Variants in SPOCK1 observed in about 807,000 individuals in gnomAD.
The protein encoded by SPOCK1 is testican-1.
SPOCK1 carries 23 observed loss-of-function variants against 55.3 expected under a neutral mutation model. The ratio of observed to expected loss-of-function variants is 0.42; its 90% CI spans 0.30 to 0.59. SPOCK1 has a LOEUF of 0.59. Ranked by LOEUF, SPOCK1 falls within the 20% of genes least tolerant of loss-of-function variation. The pLI is 0.22. For missense variants in SPOCK1, 499 were observed against 552.5 expected, an observed-to-expected ratio of 0.90 and a Z score of 0.97; for synonymous variants, 226 against 221.0, an observed-to-expected ratio of 1.02 and a Z score of -0.20.
At chr5:137,483,441 T>C (rs1368110125) in intron 2 of SPOCK1, among the ~76,000 whole-genome samples, 1 of 152,188 alleles carries the variant, frequency 6.6e-6, no homozygotes. Flanking sequence ...TGCCCTAGAA[T>C]GTAAGCTCCA....
chr5:137,275,502 G>A (rs1757049380), intron 2 of SPOCK1, among the ~76,000 whole-genome samples: 1 of 152,212 alleles, frequency 6.6e-6, no homozygotes, highest in Non-Finnish European at 1.5e-5. Context: ...GGCAGGAGGT[G>A]CTGATTCAGT....
intron 4 of SPOCK1, among the ~76,000 whole-genome samples, chr5:137,119,695 G>A (rs545945619): frequency 5.4e-4 from 82 of 152,318 alleles, no homozygotes; most frequent in Non-Finnish European, 1.0e-3. Context: ...TACTGGGCAC[G>A]CAATGGTGCA....
At chr5:137,067,668 AC>A (rs756928583) in intron 6 of SPOCK1, 46 bp downstream of exon 6, 1 of 1,525,702 alleles carries the variant, frequency 6.6e-7, no homozygotes, top group Non-Finnish European at 9.1e-7. Context: ...ACCCTCTGTG[AC>A]CCCCCATTCC....
chr5:136,980,813 A>ATATGCTCTAGAGATTTTT, intron 9 of SPOCK1, among the ~76,000 whole-genome samples: 1 of 152,294 alleles, frequency 6.6e-6, no homozygotes, highest in South Asian at 2.1e-4. Context: ...AATGATTCAG[A>ATATGCTCTAGAGATTTTT]TATGCTCTAG....
At chr5:137,452,281 GC>G (rs1400017585) in intron 2 of SPOCK1, among the ~76,000 whole-genome samples, 2 of 152,162 alleles carry the variant, frequency 1.3e-5, no homozygotes, top group African/African-American at 2.4e-5. Flanking sequence ...GATTAGATGA[GC>G]TTTTTTGCCA....
At chr5:137,398,953 A>G (rs529941033) in intron 2 of SPOCK1, among the ~76,000 whole-genome samples, 41 of 152,294 alleles carry the variant, frequency 2.7e-4, no homozygotes, top group African/African-American at 9.9e-4. Flanking sequence ...ACTGCAAGCA[A>G]CTAGGGAGAA....
chr5:137,243,614 T>C (rs1324827848), intron 3 of SPOCK1, among the ~76,000 whole-genome samples: 1 of 152,218 alleles, frequency 6.6e-6, no homozygotes, highest in Non-Finnish European at 1.5e-5. Context: ...ACGTAAGAAA[T>C]GATTCTGTCC....
At chr5:137,108,621 A>T (rs1753409932) in intron 5 of SPOCK1, among the ~76,000 whole-genome samples, 1 of 152,198 alleles carries the variant, frequency 6.6e-6, no homozygotes, top group East Asian at 1.9e-4. Flanking sequence ...TGGGAGAAGA[A>T]TATTACAACC....
At chr5:137,080,255 A>G (rs1430857236) in intron 5 of SPOCK1, among the ~76,000 whole-genome samples, 2 of 152,194 alleles carry the variant, frequency 1.3e-5, no homozygotes, top group African/African-American at 4.8e-5. Context: ...AGCCAGCTCT[A>G]ACCTTGCGAA....
intron 6 of SPOCK1, among the ~76,000 whole-genome samples, chr5:137,024,657 A>T (rs1338487965): frequency 6.6e-6 from 1 of 151,998 alleles, no homozygotes; most frequent in Non-Finnish European, 1.5e-5. Flanking sequence ...AGGGGAAAAT[A>T]AAAAAAATTG....
At chr5:137,032,010 AAG>A (rs1751790340) in intron 6 of SPOCK1, among the ~76,000 whole-genome samples, 1 of 147,864 alleles carries the variant, frequency 6.8e-6, no homozygotes, top group Non-Finnish European at 1.5e-5. Flanking sequence ...ATATAATAAA[AAG>A]AAATATATAT....
intron 6 of SPOCK1, among the ~76,000 whole-genome samples, chr5:137,004,133 T>A (rs1396011078): frequency 6.6e-6 from 1 of 151,896 alleles, no homozygotes; most frequent in African/African-American, 2.4e-5. Context: ...GGTGCCAGAG[T>A]CTAAGGTAAG....
intron 2 of SPOCK1, among the ~76,000 whole-genome samples, chr5:137,338,766 C>T (rs1285951273): frequency 6.6e-6 from 1 of 152,026 alleles, no homozygotes; most frequent in Non-Finnish European, 1.5e-5. Flanking sequence ...TCTCTGATGG[C>T]CAGTGATGAT....
chr5:137,378,714 C>G (rs1431354142), intron 2 of SPOCK1, among the ~76,000 whole-genome samples: 1 of 152,186 alleles, frequency 6.6e-6, no homozygotes, highest in Non-Finnish European at 1.5e-5. Context: ...CCTAAACTAG[C>G]CAGACCAGGG....
intron 2 of SPOCK1, among the ~76,000 whole-genome samples, chr5:137,423,922 T>C (rs1315816533): frequency 6.6e-6 from 1 of 152,200 alleles, no homozygotes; most frequent in Non-Finnish European, 1.5e-5. Context: ...GCCATCTTCA[T>C]GTTTTTTTCC....
rs1752740627 is a variant in SPOCK1, at chr5:137,075,541, A to C, written c.475-7712T>G. Reference sequence around the variant, plus strand: ...TTGATATCAGCAATTAGCTTTGCTCATTTTCTTACCTTGTTTATCTTGTCA... The same window carrying C: ...TTGATATCAGCAATTAGCTTTGCTCCTTTTCTTACCTTGTTTATCTTGTCA... On this transcript the variant is annotated intron_variant, in intron 5 of 10. Transcript: ENST00000394945. Among the ~76,000 whole-genome samples the C allele has an allele frequency of 2.0e-5, 3 of 152,314 alleles. No homozygotes were observed. In the South Asian group the frequency reaches 6.2e-4, roughly 32 times the overall value.
At chr5:137,416,656 G>A (rs1317105884) in intron 2 of SPOCK1, among the ~76,000 whole-genome samples, 1 of 151,980 alleles carries the variant, frequency 6.6e-6, no homozygotes, top group Non-Finnish European at 1.5e-5. Flanking sequence ...GAATCAGAAG[G>A]CTATCAAAAA....
At chr5:137,273,305 T>C (rs770484535) in intron 2 of SPOCK1, 1 of 866,974 alleles carries the variant, frequency 1.2e-6, no homozygotes, top group African/African-American at 1.8e-5. Context: ...AGATTTAGAA[T>C]GAAATTTACA....
chr5:137,453,119 T>C (rs763277597), intron 2 of SPOCK1, among the ~76,000 whole-genome samples: 2 of 152,170 alleles, frequency 1.3e-5, no homozygotes, highest in Non-Finnish European at 2.9e-5. Flanking sequence ...TCTCCAAATG[T>C]CACAACTAGT....
Sources: allele counts gnomAD v4.1 joint callset (sites outside exome capture counted in the v4.1 genomes callset), GRCh38; gene constraint gnomAD v4.1.1; transcripts MANE v1.5; gene names NCBI Gene and HGNC (gene_info 2026-07-23, HGNC 2026-07-21).